Variants in INTS1 observed in about 807,000 individuals in gnomAD.
INTS1 encodes integrator complex subunit 1.
A neutral mutation model predicts 241.6 loss-of-function variants in INTS1; 137 were observed. The ratio of observed to expected loss-of-function variants is 0.57; its 90% CI spans 0.49 to 0.65. The LOEUF is 0.65. INTS1 is among the 30% of genes least tolerant of loss of function. The probability of loss-of-function intolerance (pLI) is 0.00; values close to 1 mark genes in which losing one functional copy is unlikely to be tolerated. For missense variants in INTS1, 3,073 were observed against 3,032.2 expected (o/e 1.01, Z -0.32); for synonymous variants, 1,692 against 1,337.8 (o/e 1.26, Z -5.78).
chr7:1,472,802 T>C (rs965812631), intron 43 of INTS1, among the ~76,000 whole-genome samples: 2 of 32,370 alleles, frequency 6.2e-5, no homozygotes, highest in South Asian at 2.0e-3. Context: ...CACTGGTGGA[T>C]GGTGGATGTG....
chr7:1,474,440 G>T, intron 40 of INTS1, 80 bp from the exon 41 acceptor site: 1 of 1,409,366 alleles, frequency 7.1e-7, no homozygotes, highest in Non-Finnish European at 9.4e-7. Flanking sequence ...CCCACTGCCT[G>T]CCCCGGGAGC....
Position 1,493,086 on chromosome 7 carries a change from C to T in INTS1, c.2089G>A (p.Gly697Arg), listed in dbSNP as rs1325354707. 1.2e-6 allele frequency: 2 copies of T among 1,613,398 alleles called. No homozygotes were observed. Among genetic ancestry groups the T allele is most frequent in the Non-Finnish European group, 1.7e-6 (2 of 1,179,576 alleles). Residue 697 changes from glycine (G) to arginine (R), a missense_variant, in exon 16 of 48, where the codon GGG becomes AGG. Gly to Arg is a moderately radical substitution (Grantham distance 125). Transcript: ENST00000404767. This position sits in a 1 kb window ranked among gnomAD's most constrained non-coding sequence, Gnocchi z 5.3. ...QADDVEVLKV[G>R]RTQLIDAVLN... ...ACGGCGTCGATCAGCTGGGTCCTCCCCACCTTCAGCACCTCCACATCTAAG... is the reference window on the plus strand; with the variant it reads ...ACGGCGTCGATCAGCTGGGTCCTCCTCACCTTCAGCACCTCCACATCTAAG...
Position 1,486,774 on chromosome 7 carries a change from T to C in INTS1, c.2827A>G (p.Arg943Gly), listed in dbSNP as rs768738715. 1 of 1,612,174 alleles carries C rather than the reference T, an allele frequency of 6.2e-7. No individual in the cohort carries two copies. The highest frequency in any genetic ancestry group is 1.7e-5 in the Admixed American group (1 of 59,988). Reference sequence around the variant, plus strand: ...AGCAGCTGCCGCTGCTTCTGTTGCCTCTGCAGGGAGGAAGGGGCTCTCAGG... The same window carrying C: ...AGCAGCTGCCGCTGCTTCTGTTGCCCCTGCAGGGAGGAAGGGGCTCTCAGG... Reference protein sequence around the residue: ...SKEQKAKKRQRQQKQRQLLGR... With the variant: ...SKEQKAKKRQGQQKQRQLLGR... Residue 943 changes from arginine (R) to glycine (G), a missense_variant and splice_region_variant, in exon 22 of 48, where the codon AGG (arginine) becomes GGG (glycine). Transcript: ENST00000404767.
In INTS1 at chr7:1,497,089, C is replaced by T. The variant is rs1369407876; in HGVS notation, c.1602+49G>A. 16 of 1,525,484 alleles carry T rather than the reference C, an allele frequency of 1.0e-5. No homozygotes were observed. The highest frequency in any genetic ancestry group is 4.7e-5 in the East Asian group (2 of 42,344). 94.5% of individuals were successfully genotyped at this position (1,525,484 alleles called of 1,614,324 possible). A position where few individuals can be genotyped will look rare whatever the true frequency, so the allele number is the denominator to read the frequency against. On this transcript the variant is annotated intron_variant, in intron 11 of 47. Transcript: ENST00000404767. The surrounding 1 kb of genome is among the most constrained non-coding windows in gnomAD (Gnocchi z 5.3). ...ACCCAGGACGAGGGGGATGGCGGCG[C>T]GTGGAACCCGCAGTGAGGGAAAGGC...
chr7:1,481,548 C>G lies in INTS1; in HGVS notation c.3704-60G>C. On this transcript the variant is annotated intron_variant, in intron 27 of 47. Coordinates refer to ENST00000404767, the MANE Select transcript of INTS1 (RefSeq NM_001080453.3). The surrounding 1 kb of genome is among the most constrained non-coding windows in gnomAD (Gnocchi z 6.8). Reference sequence around the variant, plus strand: ...ACCCGGGCAATGCGCACTCGGGACCCCACCCGAGACCTGGGGCTGCCTGTG... The same window carrying G: ...ACCCGGGCAATGCGCACTCGGGACCGCACCCGAGACCTGGGGCTGCCTGTG... The G allele has an allele frequency of 2.6e-6, 4 of 1,522,182 alleles. No homozygotes were observed. In the East Asian group the frequency reaches 9.2e-5, roughly 35 times the overall value. 94.3% of individuals were successfully genotyped at this position (1,522,182 alleles called of 1,614,324 possible).
intron 22 of INTS1, 193 bp from the exon 23 acceptor site, chr7:1,485,662 C>T: frequency 4.8e-6 from 3 of 623,978 alleles, no homozygotes; most frequent in Non-Finnish European, 8.3e-6. Flanking sequence ...GTTCAAGTTC[C>T]TGAAGCCACT....
intron 22 of INTS1, 48 bp from the exon 23 acceptor site, chr7:1,485,517 G>A (rs1046914146): frequency 1.3e-6 from 2 of 1,585,516 alleles, no homozygotes; most frequent in African/African-American, 2.7e-5. Flanking sequence ...AGTGCAGGCA[G>A]GGTCTCACCC....
Position 1,500,150 on chromosome 7 carries a change from G to T in INTS1, c.546+20C>A. On this transcript the variant is annotated intron_variant, in intron 4 of 47. Coordinates refer to ENST00000404767, the MANE Select transcript of INTS1 (RefSeq NM_001080453.3). ...AGGGCCCCAGCGCTGCTCGCCTCCT[G>T]CCAGGGGCCCGGCTCAAACCTCAAT... The T allele has an allele frequency of 6.3e-7, 1 of 1,581,530 alleles. No individual in the cohort carries two copies.
rs537642844 is a variant in INTS1, at chr7:1,482,442, TCTC to T, written c.3703+101_3703+103del. The T allele has an allele frequency of 6.7e-4, 799 of 1,187,230 alleles. 5 individuals carry two copies. The African/African-American group carries it at 0.011, about 16-fold the overall frequency. The allele number at this position is 1,187,230 out of a possible 1,614,324, so 73.5% of individuals were successfully genotyped here. On this transcript the variant is annotated intron_variant, in intron 27 of 47. Transcript: ENST00000404767. ...TCCCCTGAGGCTACCCGGCCAGTCT[TCTC>T]CTCTGCCACAGCCGGAGGCTGCCCA...
chr7:1,494,753 G>C (rs1308743420), intron 14 of INTS1, 63 bp downstream of exon 14: 51 of 1,508,374 alleles, frequency 3.4e-5, no homozygotes, highest in Non-Finnish European at 4.6e-5. Context: ...GCCGCAGCCG[G>C]CCCGGCACCC....
Position 1,474,140 on chromosome 7 carries a change from C to T in INTS1, c.5829+28G>A, listed in dbSNP as rs565175865. ...CCAGAGCAGAGGGAGTGGAAGGGAG[C>T]GCGAGGGCGGGCGGCGGGAGCACAC... On this transcript the variant is annotated intron_variant, in intron 41 of 47. Coordinates refer to ENST00000404767, the MANE Select transcript of INTS1 (RefSeq NM_001080453.3). 69 of 1,535,102 alleles carry T rather than the reference C, an allele frequency of 4.5e-5. No homozygotes were observed. The East Asian group carries it at 4.8e-4, about 11-fold the overall frequency.
chr7:1,494,009 C>CT, intron 14 of INTS1, 98 bp from the exon 15 acceptor site: 1 of 1,416,298 alleles, frequency 7.1e-7, no homozygotes, highest in South Asian at 1.4e-5. Flanking sequence ...AGCCCACGGG[C>CT]TGGTGGCAGA....
Position 1,481,173 on chromosome 7 carries a change from T to C in INTS1, c.3850+169A>G. 1 of 841,644 alleles carries C rather than the reference T, an allele frequency of 1.2e-6. No homozygotes were observed. The highest frequency in any genetic ancestry group is 2.9e-4 in the Middle Eastern group (1 of 3,498). 52.1% of individuals were successfully genotyped at this position (841,644 alleles called of 1,614,324 possible). ...GCAGGCCCAGGCCTCGGCTCCCTCC[T>C]GACTGTGCCAGCCTCACCAACCCAC... On this transcript the variant is annotated intron_variant, in intron 28 of 47. Coordinates refer to ENST00000404767, the MANE Select transcript of INTS1 (RefSeq NM_001080453.3). This position sits in a 1 kb window ranked among gnomAD's most constrained non-coding sequence, Gnocchi z 6.8.
rs201108211 is a variant in INTS1 at position 1,480,427 on chromosome 7, G to A, written c.3964C>T (p.Pro1322Ser). ...LPPRRDSTEA[P>S]KPKSSPEQPI... is the part of the protein sequence containing the mutation. ...TGCTCTGGGCTGCTCTTTGGTTTGG[G>A]TGCCTCTGTGCTGTCTGCAGAGACA... The change falls in exon 30 of 48, where the codon CCC becomes TCC. Residue 1322 changes from proline (P) to serine (S), a missense_variant. Transcript: ENST00000404767. 184 of 1,613,222 alleles carry A rather than the reference G, an allele frequency of 1.1e-4. 1 individual carries two copies. In the Admixed American group the frequency reaches 2.8e-3, roughly 25 times the overall value.
chr7:1,503,874 C>CAAAGACCCCT (rs1562527470), intron 2 of INTS1, 29 bp downstream of exon 2: 6 of 1,538,360 alleles, frequency 3.9e-6, no homozygotes, highest in Non-Finnish European at 4.4e-6. Context: ...CAAAGACCCC[C>CAAAGACCCCT]GGGCTGCAGA....
chr7:1,475,998 G>C lies in INTS1; in HGVS notation c.5452C>G (p.Pro1818Ala), dbSNP rs115962286. ...LQRPELRVPVPEVLLHSEGAA... is the reference protein window; with the variant it reads ...LQRPELRVPVAEVLLHSEGAA... ...CCTTCGCTGTGCAGTAGGACCTCAG[G>C]CACGGGCACCCGCAGCTCCGGCCGC... Residue 1818 changes from proline (P) to alanine (A), a missense_variant, in exon 39 of 48, where the codon CCT (proline) becomes GCT (alanine). By Grantham distance (27) the Pro-to-Ala change is conservative. Coordinates refer to ENST00000404767, the MANE Select transcript of INTS1 (RefSeq NM_001080453.3). 79 of 1,545,416 alleles carry C rather than the reference G, an allele frequency of 5.1e-5. No individual in the cohort carries two copies. Among genetic ancestry groups the C allele is most frequent in the Non-Finnish European group, 6.5e-5 (74 of 1,146,740 alleles).
chr7:1,472,457 G>A, intron 43 of INTS1, 71 bp from the exon 44 acceptor site: 1 of 1,112,802 alleles, frequency 9.0e-7, no homozygotes, highest in East Asian at 2.6e-5. Context: ...ACCAGGACCT[G>A]CCCTCCCGAG....
chr7:1,503,830 G>A (rs1783323138), intron 2 of INTS1, 73 bp downstream of exon 2: 3 of 911,426 alleles, frequency 3.3e-6, no homozygotes, highest in Non-Finnish European at 3.2e-6. Context: ...AGGATCCGCG[G>A]CAGCTGAGAT....
At chr7:1,494,064 C>T (rs1381977097) in intron 14 of INTS1, among the ~76,000 whole-genome samples, 153 bp from the exon 15 acceptor site, 3 of 152,210 alleles carry the variant, frequency 2.0e-5, no homozygotes, top group African/African-American at 7.2e-5. Context: ...CAACCTGAGC[C>T]TCCCTTTGCA....
Sources: allele counts gnomAD v4.1 joint callset (sites outside exome capture counted in the v4.1 genomes callset), GRCh38; gene constraint gnomAD v4.1.1; non-coding constraint Gnocchi (gnomAD v3.1); transcripts MANE v1.5; gene names NCBI Gene and HGNC (gene_info 2026-07-23, HGNC 2026-07-21).